The following BZW1 variants were observed in gnomAD, a reference collection of about 807,000 sequenced individuals.
BZW1 encodes basic leucine zipper and W2 domains 1.
In BZW1, 3 loss-of-function variants were observed where a neutral mutation model predicts 54.1. That is an observed-to-expected ratio of 0.06 (90% CI 0.03 to 0.14). The LOEUF is 0.14. BZW1 is among the 10% of genes least tolerant of loss of function. The pLI, the probability that BZW1 is intolerant of heterozygous loss-of-function variation, is 1.00. For missense variants in BZW1, 206 were observed against 491.7 expected, an observed-to-expected ratio of 0.42 and a Z score of 5.50; for synonymous variants, 152 against 162.7, an observed-to-expected ratio of 0.93 and a Z score of 0.50.
In BZW1 at chr2:200,823,349, A is replaced by G. The variant is rs995494344; in HGVS notation, c.*1171A>G. The G allele has an allele frequency of 3.8e-5, 6 of 157,760 alleles. No individual in the cohort carries two copies. The highest frequency in any genetic ancestry group is 2.0e-4 in the Admixed American group (3 of 15,274). 9.8% of individuals were successfully genotyped at this position (157,760 alleles called of 1,614,324 possible). A position where few individuals can be genotyped will look rare whatever the true frequency, so the allele number is the denominator to read the frequency against. ...TGAGCCAAATACTTCTTGGTATACA[A>G]TTGATCCATTTATTTTAATGGCTGC... On this transcript the variant is annotated 3_prime_UTR_variant, in exon 12 of 12. Coordinates refer to ENST00000409600, the MANE Select transcript of BZW1 (RefSeq NM_001207067.2).
intron 9 of BZW1, among the ~76,000 whole-genome samples, chr2:200,819,509 C>T (rs959684651): frequency 4.0e-5 from 6 of 151,758 alleles, no homozygotes; most frequent in African/African-American, 1.2e-4. Context: ...TTGACATTTA[C>T]TTGGACTACT....
At position 200,825,149 on chromosome 2, in the gene BZW1, C is replaced by CT. The variant is rs2038659364; in HGVS notation, c.*2972dup. On this transcript the variant is annotated 3_prime_UTR_variant, in exon 12 of 12. Coordinates refer to ENST00000409600, the MANE Select transcript of BZW1 (RefSeq NM_001207067.2). ...GCATGATCTCAGCTCACTGCAATCT[C>CT]TGCCTCCTGGGTTCAAGCGATTCTC... 1 of 152,360 alleles carries CT rather than the reference C, an allele frequency of 6.6e-6. No homozygotes were observed. The highest frequency in any genetic ancestry group is 2.4e-5 in the African/African-American group (1 of 41,440). The allele number at this position is 152,360 out of a possible 1,614,324, so 9.4% of individuals were successfully genotyped here.
chr2:200,819,219 T>G (rs1465196279), intron 9 of BZW1: 1 of 254,384 alleles, frequency 3.9e-6, no homozygotes, highest in African/African-American at 2.3e-5. Flanking sequence ...TGAGACCTCA[T>G]CTCTACTAAA....
At position 200,824,572 on chromosome 2, in the gene BZW1, C is replaced by T. The variant is rs577312741; in HGVS notation, c.*2394C>T. On this transcript the variant is annotated 3_prime_UTR_variant, in exon 12 of 12. Transcript: ENST00000409600. ...AATGCTACAGGATATTTTGAAATAG[C>T]ATATTTTAGTTAGGGGAAATGCATG... is the stretch of plus-strand genomic sequence containing the variant. 6.6e-6 allele frequency: 1 copy of T among 150,886 alleles called. No individual in the cohort carries two copies. Among genetic ancestry groups the T allele is most frequent in the African/African-American group, 2.4e-5 (1 of 41,150 alleles). 9.3% of individuals were successfully genotyped at this position (150,886 alleles called of 1,614,324 possible).
At position 200,824,864 on chromosome 2, in the gene BZW1, A is replaced by G. The variant is rs972953987; in HGVS notation, c.*2686A>G. 2 of 151,762 alleles carry G rather than the reference A, an allele frequency of 1.3e-5. No individual in the cohort carries two copies. The highest frequency in any genetic ancestry group is 4.8e-5 in the African/African-American group (2 of 41,294). 9.4% of individuals were successfully genotyped at this position (151,762 alleles called of 1,614,324 possible). On this transcript the variant is annotated 3_prime_UTR_variant, in exon 12 of 12. Transcript: ENST00000409600. The stretch of plus-strand genomic sequence containing the variant: ...TTTTTTTGTATTTTTAGTAGAGACG[A>G]GGTTTCACCGGATTAGCGAGGATGG...
At chr2:200,814,630 AT>A (rs1215799308) in intron 2 of BZW1, among the ~76,000 whole-genome samples, 2 of 152,290 alleles carry the variant, frequency 1.3e-5, no homozygotes, top group South Asian at 2.1e-4. Flanking sequence ...TACTATTCTT[AT>A]CCCCATTTTA....
intron 2 of BZW1, chr2:200,813,511 T>C (rs1173017026): frequency 2.7e-5 from 10 of 365,900 alleles, no homozygotes; most frequent in Non-Finnish European, 3.9e-5. Flanking sequence ...TAGTGAATCT[T>C]CTTTTCGGTG....
rs2105871249 is a variant in BZW1, at chr2:200,818,333, T to C, written c.759T>C (p.Ala253=). 3.1e-6 allele frequency: 5 copies of C among 1,606,942 alleles called. No individual in the cohort carries two copies. Among genetic ancestry groups the C allele is most frequent in the East Asian group, 2.2e-5 (1 of 44,850 alleles). Residue 253 remains alanine, a synonymous_variant, in exon 8 of 12, where the codon GCT becomes GCC. Transcript: ENST00000409600. ...TTCGGAATCAGCAAACCATCGGAGC[T>C]CGTAAGGAGCTCCAGAAAGAACTTC... The part of the protein sequence containing the change: ...EYVRNQQTIG[A]RKELQKELQE...
chr2:200,813,837 G>C (rs922896376), intron 2 of BZW1, among the ~76,000 whole-genome samples: 2 of 152,054 alleles, frequency 1.3e-5, no homozygotes, highest in Non-Finnish European at 2.9e-5. Context: ...AAAGTGCTGT[G>C]CTAGTGATAT....
At chr2:200,812,715 C>T in intron 1 of BZW1, 1 of 803,976 alleles carries the variant, frequency 1.2e-6, no homozygotes, top group Non-Finnish European at 2.1e-6. Flanking sequence ...GCCGCTGTTG[C>T]GGTCACAGGC....
Position 200,816,375 on chromosome 2 carries a change from A to G in BZW1, c.387A>G (p.Glu129=), listed in dbSNP as rs995812827. The change falls in exon 5 of 12, where the codon GAA becomes GAG. Residue 129 remains glutamate, a synonymous_variant. Coordinates refer to ENST00000409600, the MANE Select transcript of BZW1 (RefSeq NM_001207067.2). ...ACAAATACCTGGAGAAAGGTTTTGA[A>G]GATGAAGTAAAAAAGGTATGAGTAA... ...RRYKYLEKGF[E]DEVKKLLLFL... 2.5e-6 allele frequency: 4 copies of G among 1,586,798 alleles called. No individual in the cohort carries two copies. Among genetic ancestry groups the G allele is most frequent in the Non-Finnish European group, 3.4e-6 (4 of 1,159,978 alleles).
rs2105866215 is a variant in BZW1 at position 200,815,287 on chromosome 2, G to A, written c.65-54G>A. The A allele has an allele frequency of 4.0e-6, 6 of 1,502,658 alleles. No homozygotes were observed. In the Middle Eastern group the frequency reaches 5.3e-4, roughly 134 times the overall value. 93.1% of individuals were successfully genotyped at this position (1,502,658 alleles called of 1,614,324 possible). On this transcript the variant is annotated intron_variant, in intron 2 of 11. Coordinates refer to ENST00000409600, the MANE Select transcript of BZW1 (RefSeq NM_001207067.2). The stretch of plus-strand genomic sequence containing the variant: ...CATCTTCATAAGGTGATAGTTTTGT[G>A]GCATTTTGGTAAATCTTTTAAAACT...
At chr2:200,818,490 T>A in intron 8 of BZW1, 97 bp downstream of exon 8, 2 of 1,373,606 alleles carry the variant, frequency 1.5e-6, no homozygotes, top group Non-Finnish European at 2.0e-6. Flanking sequence ...GAGATTGAGT[T>A]AATAGTAACA....
In BZW1 at chr2:200,826,420, T is replaced by TGATAGATAGA. The variant is rs1559318459; in HGVS notation, c.*4242_*4243insGATAGATAGA. ...AGATAGATAGATATTTTTTTTTTTT[T>TGATAGATAGA]TTTTTTTTTTTTTTTTTTTTTTGAG... is the stretch of plus-strand genomic sequence containing the variant. On this transcript the variant is annotated 3_prime_UTR_variant, in exon 12 of 12. Coordinates refer to ENST00000409600, the MANE Select transcript of BZW1 (RefSeq NM_001207067.2). The TGATAGATAGA allele has an allele frequency of 9.5e-5, 6 of 62,966 alleles. No homozygotes were observed. The highest frequency in any genetic ancestry group is 6.8e-4 in the East Asian group (1 of 1,468). 3.9% of individuals were successfully genotyped at this position (62,966 alleles called of 1,614,324 possible).
Position 200,818,932 on chromosome 2 carries a change from T to TA in BZW1, c.966+32dup, listed in dbSNP as rs1553603305. ...AGAACTATGCCTTGACAAAACAAACTATTCTGCTTTCACGTGGTGATAAGT... is the reference window on the plus strand; with the variant it reads ...AGAACTATGCCTTGACAAAACAAACTAATTCTGCTTTCACGTGGTGATAAGT... On this transcript the variant is annotated intron_variant, in intron 9 of 11. Coordinates refer to ENST00000409600, the MANE Select transcript of BZW1 (RefSeq NM_001207067.2). 8.5e-6 allele frequency: 13 copies of TA among 1,525,050 alleles called. No individual in the cohort carries two copies. In the South Asian group the frequency reaches 1.3e-4, roughly 15 times the overall value. The allele number at this position is 1,525,050 out of a possible 1,614,324, so 94.5% of individuals were successfully genotyped here. A position where few individuals can be genotyped will look rare whatever the true frequency, so the allele number is the denominator to read the frequency against.
intron 1 of BZW1, chr2:200,812,878 TG>T (rs746921466): frequency 3.1e-6 from 2 of 653,976 alleles, no homozygotes. Flanking sequence ...TTAGTGGTCG[TG>T]GAAGATGTAA....
intron 11 of BZW1, among the ~76,000 whole-genome samples, chr2:200,821,516 T>G (rs2038510237): frequency 6.6e-6 from 1 of 152,074 alleles, no homozygotes; most frequent in Non-Finnish European, 1.5e-5. Context: ...AAATGGAAAA[T>G]TTTGAGAATA....
chr2:200,822,237 C>T lies in BZW1; in HGVS notation c.*59C>T. On this transcript the variant is annotated 3_prime_UTR_variant, in exon 12 of 12. Transcript: ENST00000409600. Reference sequence around the variant, plus strand: ...GAGTTGTAGATAAAATGTCATGTCTCATGTGTCCTGGTTCTTACATCTTCC... The same window carrying T: ...GAGTTGTAGATAAAATGTCATGTCTTATGTGTCCTGGTTCTTACATCTTCC... 7.0e-7 allele frequency: 1 copy of T among 1,437,452 alleles called. No homozygotes were observed. The allele number at this position is 1,437,452 out of a possible 1,614,324, so 89.0% of individuals were successfully genotyped here. A position where few individuals can be genotyped will look rare whatever the true frequency, so the allele number is the denominator to read the frequency against.
intron 11 of BZW1, among the ~76,000 whole-genome samples, chr2:200,821,722 T>TTTGAATATCTGCCTCATGTAA (rs1422975971): frequency 2.0e-5 from 3 of 152,112 alleles, no homozygotes; most frequent in Non-Finnish European, 4.4e-5. Flanking sequence ...AGTGAATGCT[T>TTTGAATATCTGCCTCATGTAA]TTGAATATCT....
Sources: allele counts gnomAD v4.1 joint callset (sites outside exome capture counted in the v4.1 genomes callset), GRCh38; gene constraint gnomAD v4.1.1; transcripts MANE v1.5; gene names NCBI Gene and HGNC (gene_info 2026-07-23, HGNC 2026-07-21).